COPS2: variants seen among roughly 807,000 people sequenced by gnomAD.
COPS2 encodes COP9 signalosome subunit 2.
In COPS2, 10 loss-of-function variants were observed where a neutral mutation model predicts 66.1. The ratio of observed to expected loss-of-function variants is 0.15; its 90% CI spans 0.09 to 0.26. The LOEUF (loss-of-function observed/expected upper bound fraction) is 0.26, where lower values mean the gene tolerates loss of function less well. Ranked by LOEUF, COPS2 falls within the 10% of genes least tolerant of loss-of-function variation. The pLI, the probability that COPS2 is intolerant of heterozygous loss-of-function variation, is 1.00. For synonymous variants in COPS2, 179 were observed against 171.3 expected, an observed-to-expected ratio of 1.04 and a Z score of -0.35; for missense variants, 215 against 513.3, an observed-to-expected ratio of 0.42 and a Z score of 5.62.
intron 3 of COPS2, among the ~76,000 whole-genome samples, chr15:49,140,160 A>AT (rs879828608): frequency 0.015 from 2,040 of 138,614 alleles, 32 homozygotes; most frequent in African/African-American, 0.046. Flanking sequence ...CTAATTTTGT[A>AT]TTTTTTTTTT....
At chr15:49,152,738 G>A (rs1159272091) in intron 1 of COPS2, among the ~76,000 whole-genome samples, 1 of 152,054 alleles carries the variant, frequency 6.6e-6, no homozygotes, top group East Asian at 1.9e-4. Context: ...CAGGAGAATC[G>A]CTCGAACCTG....
At chr15:49,154,127 G>C (rs2084386491) in intron 1 of COPS2, among the ~76,000 whole-genome samples, 1 of 151,836 alleles carries the variant, frequency 6.6e-6, no homozygotes, top group Admixed American at 6.6e-5. Context: ...TGCATGTAAC[G>C]AAACCCCCCA....
chr15:49,144,367 C>A, intron 2 of COPS2, 63 bp from the exon 3 acceptor site: 2 of 917,668 alleles, frequency 2.2e-6, no homozygotes, highest in Non-Finnish European at 1.8e-6. Context: ...TAATGATGCC[C>A]AATGTGTAAG....
intron 1 of COPS2, among the ~76,000 whole-genome samples, chr15:49,155,020 G>T (rs2084407808): frequency 1.3e-5 from 2 of 152,198 alleles, no homozygotes; most frequent in Admixed American, 1.3e-4. Flanking sequence ...TTTAAGCTAT[G>T]TCTCCAGGAG....
chr15:49,149,738 T>A (rs778489662), intron 1 of COPS2, among the ~76,000 whole-genome samples: 3 of 152,190 alleles, frequency 2.0e-5, no homozygotes, highest in Non-Finnish European at 2.9e-5. Context: ...ATAGAAGTCC[T>A]AAGAAATGTA....
intron 1 of COPS2, among the ~76,000 whole-genome samples, chr15:49,154,292 C>G (rs2084389924): frequency 6.6e-6 from 1 of 152,190 alleles, no homozygotes; most frequent in Non-Finnish European, 1.5e-5. Flanking sequence ...CTGCCTACAA[C>G]TGGCTTGCAC....
chr15:49,129,603 TATG>T (rs1566881324), intron 10 of COPS2, 44 bp from the exon 11 acceptor site: 3 of 1,002,492 alleles, frequency 3.0e-6, no homozygotes, highest in Admixed American at 6.1e-5. Flanking sequence ...TAACAGTTTG[TATG>T]ATATCTTTAT....
chr15:49,123,190 T>C lies in COPS2; in HGVS notation c.*4760A>G, dbSNP rs1029427089. 2.6e-5 allele frequency: 4 copies of C among 152,216 alleles called. No homozygotes were observed. The highest frequency in any genetic ancestry group is 9.6e-5 in the African/African-American group (4 of 41,458). The allele number at this position is 152,216 out of a possible 1,614,324, so 9.4% of individuals were successfully genotyped here. On this transcript the variant is annotated 3_prime_UTR_variant, in exon 13 of 13. Coordinates refer to ENST00000388901, the MANE Select transcript of COPS2 (RefSeq NM_004236.4). ...AGATACTCAACACTTGGCATTAATA[T>C]GTTGCTAATAAGCATGCCAAAACTT... is the stretch of plus-strand genomic sequence containing the variant.
intron 1 of COPS2, among the ~76,000 whole-genome samples, chr15:49,145,811 TAC>T (rs1453370088): frequency 6.6e-6 from 1 of 152,128 alleles, no homozygotes. Flanking sequence ...ACAAGAGTGT[TAC>T]ACAGTTCCAG....
At position 49,134,347 on chromosome 15, in the gene COPS2, A is replaced by T; in HGVS notation, c.708T>A (p.Val236=). 6.2e-7 allele frequency: 1 copy of T among 1,612,896 alleles called. No homozygotes were observed. The highest frequency in any genetic ancestry group is 8.5e-7 in the Non-Finnish European group (1 of 1,179,618). ...TCTCCAAACCAAACTTGCCTCTGATAACTCCCATAATCAGTGGATGAGGGA... is the reference window on the plus strand; with the variant it reads ...TCTCCAAACCAAACTTGCCTCTGATTACTCCCATAATCAGTGGATGAGGGA... ...SAIPHPLIMG[V]IRECGGKMHL... is the part of the protein sequence containing the mutation. Residue 236 remains valine, a synonymous_variant, in exon 7 of 13, where the codon GTT becomes GTA. Transcript: ENST00000388901.
intron 9 of COPS2, 48 bp from the exon 10 acceptor site, chr15:49,130,864 G>T (rs1408199278): frequency 2.9e-6 from 3 of 1,021,720 alleles, no homozygotes; most frequent in Admixed American, 3.6e-5. Flanking sequence ...AAGAAGTTAT[G>T]TATTAAATCA....
intron 1 of COPS2, 50 bp from the exon 2 acceptor site, chr15:49,145,128 C>T: frequency 2.1e-6 from 2 of 972,674 alleles, no homozygotes; most frequent in Non-Finnish European, 3.1e-6. Flanking sequence ...AAGAAACCCA[C>T]ACGTAGCAAC....
chr15:49,152,809 T>G (rs139509636), intron 1 of COPS2, among the ~76,000 whole-genome samples: 3,763 of 151,832 alleles, frequency 0.025, 123 homozygotes, highest in South Asian at 0.077. Flanking sequence ...GGCAACAGAG[T>G]GAGACTCTGT....
chr15:49,135,273 TTTA>T (rs1595821067), intron 6 of COPS2, among the ~76,000 whole-genome samples: 1 of 152,132 alleles, frequency 6.6e-6, no homozygotes, highest in East Asian at 1.9e-4. Context: ...ATCTAGGAGA[TTTA>T]TTATTGTCTT....
chr15:49,125,911 A>G lies in COPS2; in HGVS notation c.*2039T>C, dbSNP rs1566880164. 6.6e-6 allele frequency: 1 copy of G among 152,124 alleles called. No homozygotes were observed. The highest frequency in any genetic ancestry group is 1.5e-5 in the Non-Finnish European group (1 of 67,946). 9.4% of individuals were successfully genotyped at this position (152,124 alleles called of 1,614,324 possible). A position where few individuals can be genotyped will look rare whatever the true frequency, so the allele number is the denominator to read the frequency against. On this transcript the variant is annotated 3_prime_UTR_variant, in exon 13 of 13. Coordinates refer to ENST00000388901, the MANE Select transcript of COPS2 (RefSeq NM_004236.4). ...ATAGCACAGGAGAACTGGGCACTGT[A>G]AGAATTGGAGGATAAAGGTTAAATC...
At chr15:49,141,791 T>C (rs1041996767) in intron 3 of COPS2, among the ~76,000 whole-genome samples, 3 of 152,118 alleles carry the variant, frequency 2.0e-5, no homozygotes, top group African/African-American at 7.2e-5. Context: ...AAAAGGTAGA[T>C]AAGGTAAACA....
chr15:49,141,933 A>T (rs539793619), intron 3 of COPS2, among the ~76,000 whole-genome samples: 1 of 152,344 alleles, frequency 6.6e-6, no homozygotes, highest in East Asian at 1.9e-4. Flanking sequence ...TTAAAATAGC[A>T]GATTTCTATA....
At chr15:49,141,053 G>A (rs972765838) in intron 3 of COPS2, among the ~76,000 whole-genome samples, 9 of 151,706 alleles carry the variant, frequency 5.9e-5, no homozygotes, top group African/African-American at 2.2e-4. Context: ...CTGTTTCCAA[G>A]TTTCATGTGG....
chr15:49,129,175 G>T (rs2141121927), intron 11 of COPS2, among the ~76,000 whole-genome samples: 1 of 152,040 alleles, frequency 6.6e-6, no homozygotes, highest in Admixed American at 6.6e-5. Flanking sequence ...GTAAAGCCCA[G>T]TCCCAGCTAC....
Sources: gnomAD v4.1 joint callset for allele counts (sites outside exome capture counted in the v4.1 genomes callset) on GRCh38, gnomAD v4.1.1 for gene constraint, MANE v1.5 for transcripts, NCBI Gene and HGNC (gene_info 2026-07-23, HGNC 2026-07-21) for gene names.